LHFPL3: variants seen among roughly 807,000 people sequenced by gnomAD.
LHFPL3 encodes LHFPL tetraspan subfamily member 3, also known as LHFPL tetraspan subfamily member 3 protein.
LHFPL3 carries 5 observed loss-of-function variants against 19.3 expected under a neutral mutation model. That is an observed-to-expected ratio of 0.26 (90% confidence interval 0.14 to 0.54). The LOEUF (loss-of-function observed/expected upper bound fraction) is 0.54. LHFPL3 is among the 20% of genes least tolerant of loss of function. LHFPL3 has a pLI of 0.94. For synonymous variants in LHFPL3, 133 were observed against 126.2 expected, an observed-to-expected ratio of 1.05 and a Z score of -0.36; for missense variants, 249 against 307.4, an observed-to-expected ratio of 0.81 and a Z score of 1.42.
At chr7:104,384,828 A>G (rs1370643342) in intron 1 of LHFPL3, among the ~76,000 whole-genome samples, 1 of 151,744 alleles carries the variant, frequency 6.6e-6, no homozygotes, top group East Asian at 1.9e-4. Flanking sequence ...TGAATATATC[A>G]AAAGAGGGGC....
chr7:104,433,522 C>CA (rs1052602450), intron 1 of LHFPL3, among the ~76,000 whole-genome samples: 3 of 152,178 alleles, frequency 2.0e-5, no homozygotes, highest in Non-Finnish European at 4.4e-5. Context: ...CAAGGCCCTT[C>CA]ATGACCTTGT....
At chr7:104,523,359 C>G (rs1057292445) in intron 1 of LHFPL3, among the ~76,000 whole-genome samples, 3 of 151,930 alleles carry the variant, frequency 2.0e-5, no homozygotes, top group Admixed American at 1.3e-4. Flanking sequence ...GTTTTCAAAC[C>G]CCTTTGAGAA....
At chr7:104,500,849 T>C (rs1793586420) in intron 1 of LHFPL3, among the ~76,000 whole-genome samples, 1 of 152,126 alleles carries the variant, frequency 6.6e-6, no homozygotes, top group Admixed American at 6.6e-5. Context: ...TCTCCCAGCC[T>C]CCTCTCCCAA....
Position 104,391,987 on chromosome 7 carries a change from G to A in LHFPL3, c.445+62763G>A, listed in dbSNP as rs186706216. 2.6e-5 allele frequency among the ~76,000 whole-genome samples: 4 copies of A among 152,238 alleles called. No individual in the cohort carries two copies. In the East Asian group the frequency reaches 7.7e-4, roughly 29 times the overall value. ...TCACTCATGATTTGGCTTTCTGTTT[G>A]TCTGTTATTGGTGAATAGGAATGCT... On this transcript the variant is annotated intron_variant, in intron 1 of 2. Coordinates refer to ENST00000424859, the MANE Select transcript of LHFPL3 (RefSeq NM_199000.3).
At chr7:104,591,209 C>T (rs10233757) in intron 1 of LHFPL3, among the ~76,000 whole-genome samples, 1,567 of 152,234 alleles carry the variant, frequency 0.01, 26 homozygotes, top group African/African-American at 0.035. Flanking sequence ...TTCCTAGCCT[C>T]GATAGTCTTT....
intron 2 of LHFPL3, among the ~76,000 whole-genome samples, chr7:104,829,943 A>C (rs1320776603): frequency 6.6e-6 from 1 of 152,022 alleles, no homozygotes; most frequent in Non-Finnish European, 1.5e-5. Context: ...TTACAGTCCC[A>C]CCAACAGTGT....
chr7:104,762,203 G>A (rs1794382525), intron 2 of LHFPL3, among the ~76,000 whole-genome samples: 1 of 152,100 alleles, frequency 6.6e-6, no homozygotes, highest in Non-Finnish European at 1.5e-5. Flanking sequence ...TGGAGTGGGA[G>A]GGGAAGATGG....
rs183848218 is a variant in LHFPL3, at chr7:104,636,235, A to G, written c.446-100440A>G. 6.6e-5 allele frequency among the ~76,000 whole-genome samples: 10 copies of G among 152,298 alleles called. No homozygotes were observed. The East Asian group carries it at 1.7e-3, about 26-fold the overall frequency. On this transcript the variant is annotated intron_variant, in intron 1 of 2. Coordinates refer to ENST00000424859, the MANE Select transcript of LHFPL3 (RefSeq NM_199000.3). The stretch of plus-strand genomic sequence containing the variant: ...TTTCAATAGTTAGTGTCTAAAGCAG[A>G]TGCATTTAGAGGTAGAAGTATACGT...
At chr7:104,899,619 G>T (rs1043375215) in intron 2 of LHFPL3, among the ~76,000 whole-genome samples, 20 of 152,308 alleles carry the variant, frequency 1.3e-4, no homozygotes. Flanking sequence ...GAACAGAGAT[G>T]AATTTATTAT....
At chr7:104,744,087 A>C (rs143128630) in intron 2 of LHFPL3, 4 of 151,816 alleles carry the variant, frequency 2.6e-5, no homozygotes, top group Non-Finnish European at 4.4e-5. Flanking sequence ...CCTAGGCCCA[A>C]GGGATCCACT....
chr7:104,502,211 A>G (rs1336874085), intron 1 of LHFPL3, among the ~76,000 whole-genome samples: 1 of 152,174 alleles, frequency 6.6e-6, no homozygotes, highest in African/African-American at 2.4e-5. Context: ...ATTGCTTTCT[A>G]TGTTACATGA....
intron 1 of LHFPL3, among the ~76,000 whole-genome samples, chr7:104,431,950 A>G (rs1584316309): frequency 6.6e-6 from 1 of 152,286 alleles, no homozygotes; most frequent in East Asian, 1.9e-4. Flanking sequence ...CCAAGGGGCC[A>G]ATGAACCTTG....
intron 1 of LHFPL3, among the ~76,000 whole-genome samples, chr7:104,330,244 G>T (rs1336101508): frequency 6.6e-6 from 1 of 152,170 alleles, no homozygotes; most frequent in South Asian, 2.1e-4. Flanking sequence ...AGGGTCCAGT[G>T]GTCGTGACAC....
At chr7:104,581,389 A>G (rs889377556) in intron 1 of LHFPL3, among the ~76,000 whole-genome samples, 2 of 151,982 alleles carry the variant, frequency 1.3e-5, no homozygotes, top group African/African-American at 4.8e-5. Context: ...ATGTTTTTAC[A>G]TGTTCTGGGT....
chr7:104,521,844 C>T (rs1422409741), intron 1 of LHFPL3, among the ~76,000 whole-genome samples: 2 of 152,160 alleles, frequency 1.3e-5, no homozygotes, highest in African/African-American at 4.8e-5. Flanking sequence ...GAGATACCAT[C>T]TCACACTAGT....
In LHFPL3 at chr7:104,793,494, A is replaced by C. The variant is rs542490525; in HGVS notation, c.682+56583A>C. Reference sequence around the variant, plus strand: ...CTAAGATGTCAGTGGTAAAAAAGCAATATTGTCAAGAATAATAATATGTCA... The same window carrying C: ...CTAAGATGTCAGTGGTAAAAAAGCACTATTGTCAAGAATAATAATATGTCA... On this transcript the variant is annotated intron_variant, in intron 2 of 2. Coordinates refer to ENST00000424859, the MANE Select transcript of LHFPL3 (RefSeq NM_199000.3). Among the ~76,000 whole-genome samples, 6 of 152,360 alleles carry C rather than the reference A, an allele frequency of 3.9e-5. No homozygotes were observed. In the South Asian group the frequency reaches 1.2e-3, roughly 32 times the overall value.
intron 1 of LHFPL3, among the ~76,000 whole-genome samples, chr7:104,426,029 C>T (rs1791837464): frequency 6.6e-6 from 1 of 152,200 alleles, no homozygotes; most frequent in Non-Finnish European, 1.5e-5. Context: ...TTCGCAATGG[C>T]AAAATTATAG....
At chr7:104,506,189 G>C (rs1170070286) in intron 1 of LHFPL3, among the ~76,000 whole-genome samples, 1 of 152,050 alleles carries the variant, frequency 6.6e-6, no homozygotes, top group Non-Finnish European at 1.5e-5. Context: ...GCTAATTTTT[G>C]TGTTTTTAGT....
At chr7:104,405,722 A>G (rs1226245215) in intron 1 of LHFPL3, among the ~76,000 whole-genome samples, 1 of 152,200 alleles carries the variant, frequency 6.6e-6, no homozygotes. Flanking sequence ...TCTTCTTGGC[A>G]ACATTGTAAC....
Sources: allele counts gnomAD v4.1 joint callset (sites outside exome capture counted in the v4.1 genomes callset), GRCh38; gene constraint gnomAD v4.1.1; transcripts MANE v1.5; gene names NCBI Gene and HGNC (gene_info 2026-07-23, HGNC 2026-07-21).